Variants in MGAT3 observed in about 807,000 individuals in gnomAD.
MGAT3 encodes GlcNAc-T III.
A neutral mutation model predicts 29.8 loss-of-function variants in MGAT3; 9 were observed. The ratio of observed to expected loss-of-function variants is 0.30; its 90% CI spans 0.18 to 0.53. The LOEUF (loss-of-function observed/expected upper bound fraction) is 0.53. MGAT3 is among the 20% of genes least tolerant of loss of function. The pLI, the probability that MGAT3 is intolerant of heterozygous loss-of-function variation, is 0.96. For missense variants in MGAT3, 557 were observed against 769.5 expected, an observed-to-expected ratio of 0.72 and a Z score of 3.27; for synonymous variants, 397 against 348.9, an observed-to-expected ratio of 1.14 and a Z score of -1.54.
At chr22:39,471,166 A>G (rs956095708) in intron 1 of MGAT3, among the ~76,000 whole-genome samples, 2 of 152,178 alleles carry the variant, frequency 1.3e-5, no homozygotes, top group East Asian at 3.9e-4. Flanking sequence ...GGGCAGGGGC[A>G]TTCTGACCTT....
At chr22:39,469,981 C>G (rs920255147) in intron 1 of MGAT3, among the ~76,000 whole-genome samples, 6 of 152,262 alleles carry the variant, frequency 3.9e-5, no homozygotes, top group Non-Finnish European at 5.9e-5. Context: ...ATATTTGTCC[C>G]TCCAAGTCTG....
At chr22:39,468,451 G>T (rs1389905999) in intron 1 of MGAT3, among the ~76,000 whole-genome samples, 1 of 152,194 alleles carries the variant, frequency 6.6e-6, no homozygotes, top group Admixed American at 6.5e-5. Context: ...CTTTCCCACC[G>T]TCTTCCCATA....
At chr22:39,483,117 C>T (rs929768185) in intron 1 of MGAT3, among the ~76,000 whole-genome samples, 1 of 152,234 alleles carries the variant, frequency 6.6e-6, no homozygotes, top group African/African-American at 2.4e-5. Flanking sequence ...TGAATGGCAG[C>T]CCCAGGCCAT....
chr22:39,478,770 AC>A (rs1488254860), intron 1 of MGAT3, among the ~76,000 whole-genome samples: 1 of 152,182 alleles, frequency 6.6e-6, no homozygotes, highest in African/African-American at 2.4e-5. Context: ...GCTGGGCTCC[AC>A]CTGAGTCCTG....
chr22:39,467,549 G>A (rs546653944), intron 1 of MGAT3, among the ~76,000 whole-genome samples: 6 of 152,296 alleles, frequency 3.9e-5, no homozygotes, highest in Non-Finnish European at 5.9e-5. Flanking sequence ...TGGGCACCGC[G>A]AAGAGAATAC....
intron 1 of MGAT3, among the ~76,000 whole-genome samples, chr22:39,480,336 C>T (rs61052881): frequency 0.011 from 1,695 of 152,270 alleles, 37 homozygotes; most frequent in African/African-American, 0.039. Flanking sequence ...TCACAGAGGG[C>T]GCCCAGCCCA....
At chr22:39,481,185 C>T (rs1929117034) in intron 1 of MGAT3, among the ~76,000 whole-genome samples, 2 of 152,292 alleles carry the variant, frequency 1.3e-5, no homozygotes, top group Admixed American at 1.3e-4. Context: ...GGCGCACATA[C>T]ACTCCTGCCA....
chr22:39,478,249 G>A (rs1022212888), intron 1 of MGAT3, among the ~76,000 whole-genome samples: 1 of 152,258 alleles, frequency 6.6e-6, no homozygotes, highest in African/African-American at 2.4e-5. Flanking sequence ...GCTACTTCCT[G>A]CCCAGAAGTA....
intron 1 of MGAT3, among the ~76,000 whole-genome samples, chr22:39,486,963 G>T (rs1187808290): frequency 6.6e-6 from 1 of 152,176 alleles, no homozygotes; most frequent in Non-Finnish European, 1.5e-5. Context: ...TGCTCTCCCC[G>T]TTCTGTCCTG....
At chr22:39,486,942 A>G (rs1359483848) in intron 1 of MGAT3, among the ~76,000 whole-genome samples, 4 of 152,216 alleles carry the variant, frequency 2.6e-5, no homozygotes, top group Admixed American at 2.6e-4. Context: ...CCAGGAGGGC[A>G]GCCTACAGCC....
In MGAT3 at chr22:39,487,638, C is replaced by T; in HGVS notation, c.291C>T (p.Asp97=). The part of the protein sequence containing the change: ...SKAAEELHRV[D]LVLPEDTTEY... ...CGGCCGAGGAGCTCCACCGGGTGGA[C>T]TTGGTGCTGCCCGAGGACACCACCG... Residue 97 remains aspartate (D), a synonymous_variant, in exon 2 of 2, where the codon GAC becomes GAT. Coordinates refer to ENST00000341184, the MANE Select transcript of MGAT3 (RefSeq NM_002409.5). This position sits in a 1 kb window ranked among gnomAD's most constrained non-coding sequence, Gnocchi z 5.7. The T allele has an allele frequency of 1.9e-6, 3 of 1,611,368 alleles. No homozygotes were observed. The highest frequency in any genetic ancestry group is 1.1e-5 in the South Asian group (1 of 90,938).
In MGAT3 at chr22:39,488,731, G is replaced by A; in HGVS notation, c.1384G>A (p.Gly462Arg). The change falls in exon 2 of 2, where the codon GGG becomes AGG. Residue 462 changes from glycine to arginine, a missense_variant. Gly to Arg is a moderately radical substitution (Grantham distance 125). Transcript: ENST00000341184. ...LNYIRGLIRT[G>R]GWFDGTQQEY... ...CTACATCCGCGGCCTGATCCGCACC[G>A]GGGGCTGGTTCGACGGCACGCAGCA... is the stretch of plus-strand genomic sequence containing the variant. 1.2e-6 allele frequency: 2 copies of A among 1,613,608 alleles called. No homozygotes were observed.
At chr22:39,485,154 T>A (rs932521333) in intron 1 of MGAT3, among the ~76,000 whole-genome samples, 1 of 152,156 alleles carries the variant, frequency 6.6e-6, no homozygotes, top group Non-Finnish European at 1.5e-5. Flanking sequence ...ACTCAGTGGG[T>A]TCCCCCCGGA....
chr22:39,482,204 C>T (rs1383533520), intron 1 of MGAT3, among the ~76,000 whole-genome samples: 5 of 139,770 alleles, frequency 3.6e-5, no homozygotes, highest in African/African-American at 1.4e-4. Context: ...CCAAGCTGGT[C>T]TTGAACTCCC....
chr22:39,464,845 G>C (rs1293508889), intron 1 of MGAT3, among the ~76,000 whole-genome samples: 1 of 151,824 alleles, frequency 6.6e-6, no homozygotes, highest in East Asian at 1.9e-4. Flanking sequence ...CTGCCTCCCA[G>C]GTTCACGCCA....
rs779398136 is a variant in MGAT3 at position 39,488,992 on chromosome 22, G to A, written c.*43G>A. 3.9e-6 allele frequency: 6 copies of A among 1,553,964 alleles called. No individual in the cohort carries two copies. Among genetic ancestry groups the A allele is most frequent in the South Asian group, 1.2e-5 (1 of 83,146 alleles). ...GGGTTTGTGACAGGGCGGGGGTGGC[G>A]GCGGCCCCTAGCGCTATCTCCCTGC... On this transcript the variant is annotated 3_prime_UTR_variant, in exon 2 of 2. Coordinates refer to ENST00000341184, the MANE Select transcript of MGAT3 (RefSeq NM_002409.5).
At chr22:39,459,223 G>A (rs930950200) in intron 1 of MGAT3, among the ~76,000 whole-genome samples, 2 of 152,006 alleles carry the variant, frequency 1.3e-5, no homozygotes, top group Admixed American at 6.5e-5. Flanking sequence ...ACAGGTGCCC[G>A]ACACCACACC....
chr22:39,468,650 C>T (rs1052924963), intron 1 of MGAT3, among the ~76,000 whole-genome samples: 2 of 150,182 alleles, frequency 1.3e-5, no homozygotes, highest in Non-Finnish European at 2.9e-5. Context: ...GGCCTGAGAG[C>T]CCTGCAGCAT....
Position 39,491,818 on chromosome 22 carries a change from T to C in MGAT3, c.*2869T>C, listed in dbSNP as rs1929460965. On this transcript the variant is annotated 3_prime_UTR_variant, in exon 2 of 2. Transcript: ENST00000341184. The surrounding 1 kb of genome is among the most constrained non-coding windows in gnomAD (Gnocchi z 5.5). ...CGGCACACTGCTGCCATGTCCCATG[T>C]CCACCTTTCTCCCCGGGAATAACTG... The C allele has an allele frequency of 6.0e-6, 1 of 167,092 alleles. No homozygotes were observed. The highest frequency in any genetic ancestry group is 2.4e-5 in the African/African-American group (1 of 41,416). 10.4% of individuals were successfully genotyped at this position (167,092 alleles called of 1,614,324 possible).
Sources: allele counts gnomAD v4.1 joint callset (sites outside exome capture counted in the v4.1 genomes callset), GRCh38; gene constraint gnomAD v4.1.1; non-coding constraint Gnocchi (gnomAD v3.1); transcripts MANE v1.5; gene names NCBI Gene and HGNC (gene_info 2026-07-23, HGNC 2026-07-21).